The following ME3 variants were observed in gnomAD, a reference collection of about 807,000 sequenced individuals.
The protein encoded by ME3 is NADP-dependent malic enzyme, mitochondrial.
Under a neutral mutation model 68.9 loss-of-function variants are expected in ME3, and 48 were observed. The observed-to-expected ratio is 0.70, with a 90% CI of 0.55 to 0.89. The LOEUF (loss-of-function observed/expected upper bound fraction) is 0.89, where lower values mean the gene tolerates loss of function less well. ME3 is among the 40% of genes least tolerant of loss of function. ME3 has a pLI of 0.00. For synonymous variants in ME3, 320 were observed against 318.8 expected, an observed-to-expected ratio of 1.00 and a Z score of -0.04; for missense variants, 675 against 797.4, an observed-to-expected ratio of 0.85 and a Z score of 1.85.
At chr11:86,475,902 A>G (rs201248652) in intron 7 of ME3, among the ~76,000 whole-genome samples, 1,523 of 89,966 alleles carry the variant, frequency 0.017, 28 homozygotes, top group African/African-American at 0.05. Flanking sequence ...GAGAGAGAGA[A>G]AGAGAAAGAG....
At chr11:86,654,958 C>G (rs1945755491) in intron 2 of ME3, among the ~76,000 whole-genome samples, 1 of 152,090 alleles carries the variant, frequency 6.6e-6, no homozygotes, top group South Asian at 2.1e-4. Context: ...AAATAACAGA[C>G]AAACAGAGAG....
chr11:86,559,632 A>T (rs761863561), intron 3 of ME3, 58 bp downstream of exon 3: 1 of 1,539,526 alleles, frequency 6.5e-7, no homozygotes, highest in Admixed American at 1.8e-5. Context: ...TGTGAAGCAC[A>T]GGAAACAGAC....
intron 2 of ME3, among the ~76,000 whole-genome samples, chr11:86,580,643 CCTT>C (rs1268572640): frequency 1.3e-5 from 2 of 152,126 alleles, no homozygotes; most frequent in Non-Finnish European, 2.9e-5. Flanking sequence ...TCAGTTTTGT[CCTT>C]CTGCCACATC....
chr11:86,660,222 T>C (rs1946185837), intron 2 of ME3, among the ~76,000 whole-genome samples: 1 of 152,238 alleles, frequency 6.6e-6, no homozygotes, highest in African/African-American at 2.4e-5. Flanking sequence ...ATGTAGCCCA[T>C]GGCCATCGAA....
At chr11:86,616,889 A>T (rs2135236168) in intron 2 of ME3, among the ~76,000 whole-genome samples, 1 of 152,278 alleles carries the variant, frequency 6.6e-6, no homozygotes, top group Admixed American at 6.5e-5. Context: ...TTTAGTTCAT[A>T]GTCATGTACC....
intron 2 of ME3, among the ~76,000 whole-genome samples, chr11:86,636,885 C>T (rs1412851637): frequency 2.6e-5 from 4 of 152,140 alleles, no homozygotes; most frequent in Non-Finnish European, 5.9e-5. Context: ...CTTATAGTTA[C>T]ACAGCAGCTG....
intron 2 of ME3, among the ~76,000 whole-genome samples, chr11:86,662,596 G>C (rs114694034): frequency 0.012 from 1,874 of 151,968 alleles, 45 homozygotes; most frequent in African/African-American, 0.042. Flanking sequence ...GACCCTGTCT[G>C]TAAAAAAATA....
chr11:86,602,933 T>A (rs1960954382), intron 2 of ME3, among the ~76,000 whole-genome samples: 1 of 152,188 alleles, frequency 6.6e-6, no homozygotes, highest in South Asian at 2.1e-4. Context: ...TCCTTACACC[T>A]TATACAAAAA....
chr11:86,450,471 T>C (rs35129724), intron 8 of ME3, 73 bp from the exon 9 acceptor site: 140,085 of 1,277,112 alleles, frequency 0.11, 8,680 homozygotes, highest in Non-Finnish European at 0.13. Flanking sequence ...CTTGGCAGAG[T>C]TCCCCACATC....
intron 8 of ME3, among the ~76,000 whole-genome samples, chr11:86,459,140 G>C (rs1950099048): frequency 6.6e-6 from 1 of 152,126 alleles, no homozygotes; most frequent in African/African-American, 2.4e-5. Context: ...AAGTAGTGAA[G>C]AACAGGAAGA....
chr11:86,533,598 T>G (rs1955419447), intron 4 of ME3, among the ~76,000 whole-genome samples: 1 of 152,184 alleles, frequency 6.6e-6, no homozygotes, highest in African/African-American at 2.4e-5. Flanking sequence ...CTTTCTCAAA[T>G]TCTTCCAAAA....
intron 14 of ME3, among the ~76,000 whole-genome samples, chr11:86,441,969 T>C (rs1315807338): frequency 6.6e-6 from 1 of 152,220 alleles, no homozygotes; most frequent in Non-Finnish European, 1.5e-5. Flanking sequence ...GACCCTGAGC[T>C]GGACTGTTAA....
rs113654342 is a variant in ME3 at position 86,457,418 on chromosome 11, C to G, written c.920-7020G>C. 1.6e-3 allele frequency: 1,433 copies of G among 870,366 alleles called. 12 individuals carry two copies. In the African/African-American group the frequency reaches 0.02, roughly 12 times the overall value. 53.9% of individuals were successfully genotyped at this position (870,366 alleles called of 1,614,324 possible). A position where few individuals can be genotyped will look rare whatever the true frequency, so the allele number is the denominator to read the frequency against. ...AGGTGGCCAAATTCAGTAATCAGTT[C>G]TCAGCCTTCTTCTTTCTTGACCTCT... On this transcript the variant is annotated intron_variant, in intron 8 of 14. Coordinates refer to ENST00000543262, the Ensembl canonical transcript of ME3.
intron 2 of ME3, among the ~76,000 whole-genome samples, chr11:86,670,615 T>C (rs1010421969): frequency 2.7e-5 from 4 of 150,542 alleles, no homozygotes; most frequent in Non-Finnish European, 5.9e-5. Context: ...TTGATTTTGA[T>C]TTTTTTTTCC....
At chr11:86,548,130 C>T (rs1019729957) in intron 4 of ME3, among the ~76,000 whole-genome samples, 2 of 152,200 alleles carry the variant, frequency 1.3e-5, no homozygotes, top group Non-Finnish European at 2.9e-5. Context: ...GCAAGCTGCT[C>T]CTTCTGGATG....
chr11:86,546,090 G>A (rs1274897415), intron 4 of ME3, among the ~76,000 whole-genome samples: 1 of 152,188 alleles, frequency 6.6e-6, no homozygotes, highest in Non-Finnish European at 1.5e-5. Context: ...AATAAATGGT[G>A]TTGGGAAAAC....
intron 2 of ME3, among the ~76,000 whole-genome samples, chr11:86,568,324 C>T (rs1206469720): frequency 6.6e-6 from 1 of 152,180 alleles, no homozygotes; most frequent in Non-Finnish European, 1.5e-5. Flanking sequence ...TTTGGATCTC[C>T]TCAAGATCTA....
intron 2 of ME3, among the ~76,000 whole-genome samples, chr11:86,665,661 G>T (rs1410599874): frequency 4.6e-5 from 7 of 152,202 alleles, no homozygotes; most frequent in African/African-American, 1.7e-4. Context: ...GAGAATAAAT[G>T]AGAGGCGCTA....
intron 2 of ME3, among the ~76,000 whole-genome samples, chr11:86,649,750 C>T (rs976463811): frequency 1.3e-5 from 2 of 152,146 alleles, no homozygotes; most frequent in Admixed American, 1.3e-4. Context: ...ATACAACTTA[C>T]AAGGATGTGA....
Sources: allele counts gnomAD v4.1 joint callset (sites outside exome capture counted in the v4.1 genomes callset), GRCh38; gene constraint gnomAD v4.1.1; transcripts MANE v1.5; gene names NCBI Gene and HGNC (gene_info 2026-07-23, HGNC 2026-07-21).